Variants in PIK3CG observed in about 807,000 individuals in gnomAD.
The protein encoded by PIK3CG is phosphatidylinositol 4,5-bisphosphate 3-kinase catalytic subunit gamma isoform.
PIK3CG carries 55 observed loss-of-function variants against 102.3 expected under a neutral mutation model. The observed-to-expected ratio is 0.54, with a 90% confidence interval of 0.43 to 0.67. PIK3CG has a LOEUF of 0.67. Among genes scored for constraint, PIK3CG ranks in the 30% least tolerant of loss-of-function variants. The pLI, the probability that PIK3CG is intolerant of heterozygous loss-of-function variation, is 0.00. For missense variants in PIK3CG, 1,258 were observed against 1,391.8 expected (o/e 0.90, Z 1.53); for synonymous variants, 552 against 540.0 (o/e 1.02, Z -0.31).
rs1791017382 is a variant in PIK3CG at position 106,884,070 on chromosome 7, A to G, written c.2761-85A>G. On this transcript the variant is annotated intron_variant, in intron 8 of 10. Transcript: ENST00000496166. The surrounding 1 kb of genome is among the most constrained non-coding windows in gnomAD (Gnocchi z 4.2). ...TTGCTCTCTGAAAATGGTTTCCAGA[A>G]TATTCTCTTTTTAGAAGTCATTTGT... 1 of 1,055,612 alleles carries G rather than the reference A, an allele frequency of 9.5e-7. No individual in the cohort carries two copies. The highest frequency in any genetic ancestry group is 1.9e-5 in the Admixed American group (1 of 52,878). 65.4% of individuals were successfully genotyped at this position (1,055,612 alleles called of 1,614,324 possible).
chr7:106,875,733 C>A lies in PIK3CG; in HGVS notation c.2391+930C>A, dbSNP rs532846168. Among the ~76,000 whole-genome samples the A allele has an allele frequency of 2.5e-4, 38 of 152,192 alleles. 1 individual carries two copies. The highest frequency in any genetic ancestry group is 2.2e-3 in the Admixed American group (34 of 15,282). On this transcript the variant is annotated intron_variant, in intron 5 of 10. Coordinates refer to ENST00000496166, the MANE Select transcript of PIK3CG (RefSeq NM_001282426.2). Reference sequence around the variant, plus strand: ...GATATACCACAGTTTGTTTTCCATTCATTTTTTGAGTAAATGTTTAACAGT... The same window carrying A: ...GATATACCACAGTTTGTTTTCCATTAATTTTTTGAGTAAATGTTTAACAGT...
intron 1 of PIK3CG, among the ~76,000 whole-genome samples, chr7:106,866,371 T>C (rs1054126906): frequency 3.9e-5 from 6 of 152,254 alleles, no homozygotes; most frequent in Non-Finnish European, 5.9e-5. Context: ...ATTTGAAGGA[T>C]TTCCTATTGC....
At position 106,893,304 on chromosome 7, in the gene PIK3CG, G is replaced by A. The variant is rs1190368314; in HGVS notation, c.3030+7012G>A. 6.6e-6 allele frequency among the ~76,000 whole-genome samples: 1 copy of A among 152,132 alleles called. No individual in the cohort carries two copies. The highest frequency in any genetic ancestry group is 2.1e-4 in the South Asian group (1 of 4,828). ...TGCACTGGAAGATATCCTCAAAGAA[G>A]GGTCTGATTTCAGCCATTTGTAGGA... On this transcript the variant is annotated intron_variant, in intron 10 of 10. Coordinates refer to ENST00000496166, the MANE Select transcript of PIK3CG (RefSeq NM_001282426.2). This position sits in a 1 kb window ranked among gnomAD's most constrained non-coding sequence, Gnocchi z 4.4.
At position 106,865,353 on chromosome 7, in the gene PIK3CG, A is replaced by C. The variant is rs894115803; in HGVS notation, c.-86A>C. The C allele has an allele frequency of 1.6e-4, 24 of 152,326 alleles. No homozygotes were observed. The highest frequency in any genetic ancestry group is 5.8e-4 in the African/African-American group (24 of 41,568). The allele number at this position is 152,326 out of a possible 1,614,324, so 9.4% of individuals were successfully genotyped here. ...GGAAGAATTTAGACGCACACTGGGT[A>C]GGTTTGAATTTGTTTTGTTTTCAAA... On this transcript the variant is annotated 5_prime_UTR_variant, in exon 1 of 11. Coordinates refer to ENST00000496166, the MANE Select transcript of PIK3CG (RefSeq NM_001282426.2).
In PIK3CG at chr7:106,868,379, G is replaced by A. The variant is rs1226994105; in HGVS notation, c.818G>A (p.Arg273His). 7.4e-6 allele frequency: 12 copies of A among 1,614,232 alleles called. No individual in the cohort carries two copies. The highest frequency in any genetic ancestry group is 2.2e-5 in the East Asian group (1 of 44,884). ...CAAAGCGAACAGGATTTTGTGCTGCGCGTCTGTGGCCGGGATGAGTACCTG... is the reference window on the plus strand; with the variant it reads ...CAAAGCGAACAGGATTTTGTGCTGCACGTCTGTGGCCGGGATGAGTACCTG... Reference protein sequence around the residue: ...ESQSEQDFVLRVCGRDEYLVG... With the variant: ...ESQSEQDFVLHVCGRDEYLVG... The change falls in exon 2 of 11, where the codon CGC (arginine) becomes CAC (histidine). Residue 273 changes from arginine to histidine, a missense_variant. Coordinates refer to ENST00000496166, the MANE Select transcript of PIK3CG (RefSeq NM_001282426.2). The surrounding 1 kb of genome is among the most constrained non-coding windows in gnomAD (Gnocchi z 6.2).
intron 10 of PIK3CG, among the ~76,000 whole-genome samples, chr7:106,898,711 GCTCT>G (rs1791469299): frequency 6.6e-6 from 1 of 152,032 alleles, no homozygotes; most frequent in Non-Finnish European, 1.5e-5. Context: ...TTATTTCTGG[GCTCT>G]CTGTTTTGCT....
At position 106,893,263 on chromosome 7, in the gene PIK3CG, CTA is replaced by C. The variant is rs1363277757; in HGVS notation, c.3030+6973_3030+6974del. ...TCAGTGTGAAGACTTTCAGTACTCA[CTA>C]TCTCTCCATGTTATGCACTGGAAGA... On this transcript the variant is annotated intron_variant, in intron 10 of 10. Coordinates refer to ENST00000496166, the MANE Select transcript of PIK3CG (RefSeq NM_001282426.2). The surrounding 1 kb of genome is among the most constrained non-coding windows in gnomAD (Gnocchi z 4.4). Among the ~76,000 whole-genome samples, 4 of 152,152 alleles carry C rather than the reference CTA, an allele frequency of 2.6e-5. No individual in the cohort carries two copies. Among genetic ancestry groups the C allele is most frequent in the Non-Finnish European group, 5.9e-5 (4 of 68,026 alleles).
rs771475481 is a variant in PIK3CG at position 106,906,624 on chromosome 7, G to T, written c.*1237G>T. The T allele has an allele frequency of 4.4e-6, 1 of 228,000 alleles. No individual in the cohort carries two copies. Among genetic ancestry groups the T allele is most frequent in the South Asian group, 1.8e-4 (1 of 5,476 alleles). 14.1% of individuals were successfully genotyped at this position (228,000 alleles called of 1,614,324 possible). ...AATATTTTCATCTCTGAAATATCTC[G>T]TTATTTATTGGAGGTATTGTTTAAC... On this transcript the variant is annotated 3_prime_UTR_variant, in exon 11 of 11. Coordinates refer to ENST00000496166, the MANE Select transcript of PIK3CG (RefSeq NM_001282426.2).
Position 106,907,678 on chromosome 7 carries a change from CATACATATT to C in PIK3CG, c.*2292_*2300del, listed in dbSNP as rs1290903915. Among the ~76,000 whole-genome samples, 1 of 148,178 alleles carries C rather than the reference CATACATATT, an allele frequency of 6.7e-6. No homozygotes were observed. Among genetic ancestry groups the C allele is most frequent in the Non-Finnish European group, 1.5e-5 (1 of 66,852 alleles). ...TATATTTAGCTTATTGGCACATGTG[CATACATATT>C]TCCTCTTCAAATGAACCAGTTCTTT... On this transcript the variant is annotated 3_prime_UTR_variant, in exon 11 of 11. Transcript: ENST00000496166.
rs1790855471 is a variant in PIK3CG at position 106,879,085 on chromosome 7, C to T, written c.2392-434C>T. Among the ~76,000 whole-genome samples, 1 of 152,186 alleles carries T rather than the reference C, an allele frequency of 6.6e-6. No individual in the cohort carries two copies. Among genetic ancestry groups the T allele is most frequent in the South Asian group, 2.1e-4 (1 of 4,832 alleles). ...TCATCTGCTTAGATGTAGCCTATTG[C>T]ATCTGATTCTGCAATAATAGTTTTT... On this transcript the variant is annotated intron_variant, in intron 5 of 10. Transcript: ENST00000496166. This position sits in a 1 kb window ranked among gnomAD's most constrained non-coding sequence, Gnocchi z 4.9.
In PIK3CG at chr7:106,868,023, C is replaced by G. The variant is rs773368793; in HGVS notation, c.462C>G (p.Leu154=). ...AGTCCCAAGCCTTCCAGCGGCAGCT[C>G]ACGGCGCTGATTGGCTATGACGTCA... ...SEESQAFQRQ[L]TALIGYDVTD... is the part of the protein sequence containing the mutation. The change falls in exon 2 of 11, where the codon CTC becomes CTG. Residue 154 remains leucine (L), a synonymous_variant. Transcript: ENST00000496166. This position sits in a 1 kb window ranked among gnomAD's most constrained non-coding sequence, Gnocchi z 6.2. 3 of 1,611,986 alleles carry G rather than the reference C, an allele frequency of 1.9e-6. No individual in the cohort carries two copies. The highest frequency in any genetic ancestry group is 2.5e-6 in the Non-Finnish European group (3 of 1,179,092).
rs1415915753 is a variant in PIK3CG, at chr7:106,880,682, T to C, written c.2538+1017T>C. Among the ~76,000 whole-genome samples the C allele has an allele frequency of 1.3e-5, 2 of 152,152 alleles. No homozygotes were observed. Among genetic ancestry groups the C allele is most frequent in the Non-Finnish European group, 2.9e-5 (2 of 68,034 alleles). On this transcript the variant is annotated intron_variant, in intron 6 of 10. Coordinates refer to ENST00000496166, the MANE Select transcript of PIK3CG (RefSeq NM_001282426.2). This position sits in a 1 kb window ranked among gnomAD's most constrained non-coding sequence, Gnocchi z 4.2. ...CTTTATGTACTTTGTGGTTTTGTTT[T>C]TTTTTAATTTTTTTAAGATGAGGCC...
rs1465244201 is a variant in PIK3CG, at chr7:106,906,397, A to T, written c.*1010A>T. ...AAAGGAGGCATTCTAGAAAATATGA[A>T]TTAGTTTCCAAATGCCTTAATTTTA... is the stretch of plus-strand genomic sequence containing the variant. On this transcript the variant is annotated 3_prime_UTR_variant, in exon 11 of 11. Transcript: ENST00000496166. 2 of 230,168 alleles carry T rather than the reference A, an allele frequency of 8.7e-6. No individual in the cohort carries two copies. Among genetic ancestry groups the T allele is most frequent in the African/African-American group, 4.4e-5 (2 of 45,180 alleles). 14.3% of individuals were successfully genotyped at this position (230,168 alleles called of 1,614,324 possible). A position where few individuals can be genotyped will look rare whatever the true frequency, so the allele number is the denominator to read the frequency against.
At chr7:106,875,884 A>G (rs1790712362) in intron 5 of PIK3CG, among the ~76,000 whole-genome samples, 1 of 148,210 alleles carries the variant, frequency 6.7e-6, no homozygotes, top group Non-Finnish European at 1.5e-5. Context: ...CCTAGCAAGC[A>G]CTTGTTATCA....
rs2116526764 is a variant in PIK3CG at position 106,879,759 on chromosome 7, C to T, written c.2538+94C>T. On this transcript the variant is annotated intron_variant, in intron 6 of 10. Coordinates refer to ENST00000496166, the MANE Select transcript of PIK3CG (RefSeq NM_001282426.2). This position sits in a 1 kb window ranked among gnomAD's most constrained non-coding sequence, Gnocchi z 4.9. ...CTCCTACTGGCTCTATTCCCACTCT[C>T]TTCTTTCAAGTGATGAATTGTGATC... is the stretch of plus-strand genomic sequence containing the variant. The T allele has an allele frequency of 3.3e-6, 3 of 908,030 alleles. No individual in the cohort carries two copies. The highest frequency in any genetic ancestry group is 5.1e-6 in the Non-Finnish European group (3 of 587,864). 56.2% of individuals were successfully genotyped at this position (908,030 alleles called of 1,614,324 possible).
chr7:106,898,270 G>A (rs566506978), intron 10 of PIK3CG, among the ~76,000 whole-genome samples: 1 of 152,224 alleles, frequency 6.6e-6, no homozygotes, highest in Admixed American at 6.5e-5. Flanking sequence ...TATAGATGCT[G>A]GATATTAGAC....
Position 106,872,858 on chromosome 7 carries a change from T to C in PIK3CG, c.2207T>C (p.Val736Ala). Residue 736 changes from valine (V) to alanine (A), a missense_variant, in exon 4 of 11, where the codon GTC becomes GCC. Val to Ala is a moderately conservative substitution (Grantham distance 64). Around this residue, in one of 2 missense-constraint regions of PIK3CG, gnomAD observed 426 missense variants for 604.2 expected, o/e 0.71. Coordinates refer to ENST00000496166, the MANE Select transcript of PIK3CG (RefSeq NM_001282426.2). The surrounding 1 kb of genome is among the most constrained non-coding windows in gnomAD (Gnocchi z 5.3). ...TAMLHDFTQQ[V>A]QVIEMLQKVT... ...ATGCTGCACGACTTTACCCAACAAG[T>C]CCAAGTAATCGAGATGTTACAAAAA... The C allele has an allele frequency of 2.5e-6, 4 of 1,614,160 alleles. No homozygotes were observed. Among genetic ancestry groups the C allele is most frequent in the Non-Finnish European group, 3.4e-6 (4 of 1,180,024 alleles).
Position 106,903,747 on chromosome 7 carries a change from T to TA in PIK3CG, c.3031-1362_3031-1361insA, listed in dbSNP as rs1199047825. ...TTCCTTCACTTTTCTGATTTTATTT[T>TA]TTTTATTTATTTATTTATTTATTTA... On this transcript the variant is annotated intron_variant, in intron 10 of 10. Coordinates refer to ENST00000496166, the MANE Select transcript of PIK3CG (RefSeq NM_001282426.2). This position sits in a 1 kb window ranked among gnomAD's most constrained non-coding sequence, Gnocchi z 4.3. 4.6e-3 allele frequency among the ~76,000 whole-genome samples: 8 copies of TA among 1,746 alleles called. No homozygotes were observed. Among genetic ancestry groups the TA allele is most frequent in the Admixed American group, 0.024 (2 of 82 alleles). 1.1% of individuals were successfully genotyped at this position (1,746 alleles called of 152,430 possible).
rs761676385 is a variant in PIK3CG, at chr7:106,868,246, A to G, written c.685A>G (p.Thr229Ala). The G allele has an allele frequency of 1.9e-6, 3 of 1,613,370 alleles. No homozygotes were observed. Among genetic ancestry groups the G allele is most frequent in the Non-Finnish European group, 1.7e-6 (2 of 1,180,014 alleles). Residue 229 changes from threonine to alanine, a missense_variant, in exon 2 of 11, where the codon ACC (threonine) becomes GCC (alanine). By Grantham distance (58) the Thr-to-Ala change is moderately conservative. Coordinates refer to ENST00000496166, the MANE Select transcript of PIK3CG (RefSeq NM_001282426.2). This position sits in a 1 kb window ranked among gnomAD's most constrained non-coding sequence, Gnocchi z 6.2. ...CTTCATCGTCATTCACCGCAGCACCACCAGCCAGACCATTAAGGTCTCACC... is the reference window on the plus strand; with the variant it reads ...CTTCATCGTCATTCACCGCAGCACCGCCAGCCAGACCATTAAGGTCTCACC... ...CIFIVIHRST[T>A]SQTIKVSPDD...
Sources: allele counts gnomAD v4.1 joint callset (sites outside exome capture counted in the v4.1 genomes callset), GRCh38; gene constraint gnomAD v4.1.1; regional missense constraint gnomAD v4.1.1; non-coding constraint Gnocchi (gnomAD v3.1); transcripts MANE v1.5; gene names NCBI Gene and HGNC (gene_info 2026-07-23, HGNC 2026-07-21).